Variants in DTNA observed in about 807,000 individuals in gnomAD.
The protein encoded by DTNA is dystrophin-related protein 3.
A neutral mutation model predicts 100.7 loss-of-function variants in DTNA; 43 were observed. The observed-to-expected ratio is 0.43, with a 90% confidence interval of 0.33 to 0.55. The LOEUF (loss-of-function observed/expected upper bound fraction) is 0.55, where lower values mean the gene tolerates loss of function less well. DTNA is among the 20% of genes least tolerant of loss of function. The probability of loss-of-function intolerance (pLI) is 0.04; values close to 1 mark genes in which losing one functional copy is unlikely to be tolerated. For synonymous variants in DTNA, 349 were observed against 347.9 expected (o/e 1.00, Z -0.04); for missense variants, 798 against 953.9 (o/e 0.84, Z 2.15).
In DTNA at chr18:34,879,695, C is replaced by T. The variant is rs763244741; in HGVS notation, c.2138C>T (p.Thr713Ile). Residue 713 changes from threonine to isoleucine, a missense_variant, in exon 20 of 23, where the codon ACC becomes ATC. Transcript: ENST00000444659. ...CCTGGGTACATTCACAGTGGAGCTA[C>T]CACAAGTACCATGCGTGGCGACATG... is the stretch of plus-strand genomic sequence containing the variant. ...RKPGYIHSGA[T>I]TSTMRGDMVT... The T allele has an allele frequency of 6.2e-7, 1 of 1,614,020 alleles. No individual in the cohort carries two copies. Among genetic ancestry groups the T allele is most frequent in the East Asian group, 2.2e-5 (1 of 44,866 alleles).
intron 11 of DTNA, among the ~76,000 whole-genome samples, chr18:34,834,032 C>T (rs2096075896): frequency 6.6e-6 from 1 of 152,206 alleles, no homozygotes; most frequent in African/African-American, 2.4e-5. Context: ...AACTTAATTT[C>T]TCCATGCAAA....
chr18:34,738,635 A>G (rs974718309), intron 1 of DTNA, among the ~76,000 whole-genome samples: 2 of 152,022 alleles, frequency 1.3e-5, no homozygotes, highest in Non-Finnish European at 2.9e-5. Context: ...CTCTTCTTCT[A>G]TCTGCCGTCC....
At chr18:34,506,037 C>G (rs909932548) in intron 1 of DTNA, among the ~76,000 whole-genome samples, 1 of 152,216 alleles carries the variant, frequency 6.6e-6, no homozygotes, top group Non-Finnish European at 1.5e-5. Context: ...GTTCCTCACT[C>G]AGTCTCCCTT....
At chr18:34,669,028 T>C (rs145761941) in intron 1 of DTNA, among the ~76,000 whole-genome samples, 1 of 152,196 alleles carries the variant, frequency 6.6e-6, no homozygotes, top group East Asian at 1.9e-4. Flanking sequence ...CAGTGGGGTA[T>C]GAAAGTCTCC....
At chr18:34,542,288 C>T (rs2044320288) in intron 1 of DTNA, among the ~76,000 whole-genome samples, 1 of 151,990 alleles carries the variant, frequency 6.6e-6, no homozygotes, top group South Asian at 2.1e-4. Context: ...CCACTGAGAA[C>T]CCACCATTCA....
chr18:34,768,758 G>A (rs9635922), intron 3 of DTNA, among the ~76,000 whole-genome samples: 15,681 of 152,232 alleles, frequency 0.1, 1,012 homozygotes, highest in South Asian at 0.15. Flanking sequence ...CTCCTGCTAT[G>A]TGTTTGACAT....
At position 34,888,799 on chromosome 18, in the gene DTNA, G is replaced by C; in HGVS notation, c.*1065G>C. ...CGTTCACAAGTTCCCCCATCAAGTT[G>C]TTTGGAGGCCTTCAGCTTTAAATGT... On this transcript the variant is annotated 3_prime_UTR_variant, in exon 23 of 23. Transcript: ENST00000444659. 1.0e-6 allele frequency: 1 copy of C among 985,880 alleles called. No individual in the cohort carries two copies. The highest frequency in any genetic ancestry group is 1.2e-6 in the Non-Finnish European group (1 of 829,950). 61.1% of individuals were successfully genotyped at this position (985,880 alleles called of 1,614,324 possible).
chr18:34,499,959 T>C (rs2039712823), intron 1 of DTNA, among the ~76,000 whole-genome samples: 1 of 152,212 alleles, frequency 6.6e-6, no homozygotes, highest in Non-Finnish European at 1.5e-5. Context: ...TAGTTTTACA[T>C]GTAAATAACT....
chr18:34,716,456 G>C (rs912392781), intron 1 of DTNA, among the ~76,000 whole-genome samples: 7 of 152,110 alleles, frequency 4.6e-5, no homozygotes, highest in Non-Finnish European at 1.0e-4. Flanking sequence ...CCAGCTACTT[G>C]TGAGGCTGAG....
intron 4 of DTNA, among the ~76,000 whole-genome samples, chr18:34,804,122 G>GT (rs112504444): frequency 0.025 from 3,857 of 152,192 alleles, 170 homozygotes; most frequent in African/African-American, 0.087. Context: ...GAGAAAAGCT[G>GT]TTTTCAGAGC....
At chr18:34,818,590 C>G in intron 8 of DTNA, 1 of 1,322,990 alleles carries the variant, frequency 7.6e-7, no homozygotes, top group South Asian at 1.6e-5. Flanking sequence ...TAATTCAGTA[C>G]TGATTTAAAT....
intron 2 of DTNA, among the ~76,000 whole-genome samples, chr18:34,764,966 C>T (rs945048287): frequency 6.6e-6 from 1 of 152,094 alleles, no homozygotes; most frequent in Non-Finnish European, 1.5e-5. Flanking sequence ...TTAACTCATT[C>T]AAAGGAGGGT....
intron 1 of DTNA, among the ~76,000 whole-genome samples, chr18:34,573,802 T>C (rs2047836105): frequency 6.6e-6 from 1 of 152,208 alleles, no homozygotes; most frequent in African/African-American, 2.4e-5. Context: ...TTTGAACTTA[T>C]TCCTCCTGCC....
At chr18:34,601,972 G>A (rs1454895058) in intron 1 of DTNA, among the ~76,000 whole-genome samples, 1 of 152,160 alleles carries the variant, frequency 6.6e-6, no homozygotes, top group Non-Finnish European at 1.5e-5. Context: ...TGGAGAAAAA[G>A]GAAATTGAAT....
At chr18:34,852,023 G>C in intron 15 of DTNA, 95 bp downstream of exon 15, 1 of 1,240,138 alleles carries the variant, frequency 8.1e-7, no homozygotes, top group Non-Finnish European at 1.2e-6. Flanking sequence ...TTTACACCCT[G>C]TATGGCTACT....
chr18:34,881,176 A>G (rs1001667844), intron 20 of DTNA, among the ~76,000 whole-genome samples: 3 of 152,232 alleles, frequency 2.0e-5, no homozygotes, highest in African/African-American at 7.2e-5. Flanking sequence ...GCAAACAACG[A>G]CATTTAAGTT....
At chr18:34,647,997 T>C (rs1329479449) in intron 1 of DTNA, among the ~76,000 whole-genome samples, 37 of 152,212 alleles carry the variant, frequency 2.4e-4, no homozygotes, top group Admixed American at 2.4e-3. Context: ...AGGGAAGGTC[T>C]TTCTGAGGAA....
At chr18:34,627,193 A>G (rs950510931) in intron 1 of DTNA, among the ~76,000 whole-genome samples, 1 of 152,206 alleles carries the variant, frequency 6.6e-6, no homozygotes, top group Non-Finnish European at 1.5e-5. Context: ...TACCACTTCA[A>G]GAAAGCTGAT....
chr18:34,882,342 C>T (rs1471189113), intron 21 of DTNA, 141 bp downstream of exon 21: 28 of 1,182,498 alleles, frequency 2.4e-5, no homozygotes, highest in Non-Finnish European at 2.7e-5. Context: ...CTCCTTAATC[C>T]GTGTCTTTTA....
Sources: allele counts gnomAD v4.1 joint callset (sites outside exome capture counted in the v4.1 genomes callset), GRCh38; gene constraint gnomAD v4.1.1; transcripts MANE v1.5; gene names NCBI Gene and HGNC (gene_info 2026-07-23, HGNC 2026-07-21).